Variants in GRIK2 observed in about 807,000 individuals in gnomAD.
The protein encoded by GRIK2 is glutamate receptor ionotropic, kainate 2.
GRIK2 carries 32 observed loss-of-function variants against 100.3 expected under a neutral mutation model. That is an observed-to-expected ratio of 0.32 (90% CI 0.24 to 0.43). The LOEUF (loss-of-function observed/expected upper bound fraction) is 0.43, where lower values mean the gene tolerates loss of function less well. Ranked by LOEUF, GRIK2 falls within the 20% of genes least tolerant of loss-of-function variation. The pLI, the probability that GRIK2 is intolerant of heterozygous loss-of-function variation, is 1.00. For synonymous variants in GRIK2, 417 were observed against 389.4 expected (o/e 1.07, Z -0.83); for missense variants, 843 against 1,114.9 (o/e 0.76, Z 3.47).
At chr6:101,988,150 CGCGCGT>C (rs1484592880) in intron 14 of GRIK2, among the ~76,000 whole-genome samples, 13 of 8,432 alleles carry the variant, frequency 1.5e-3, no homozygotes, top group South Asian at 5.6e-3. Context: ...CGCGCGCGCG[CGCGCGT>C]GCGCGCACAT....
chr6:102,042,581 A>AT (rs1177755017), intron 15 of GRIK2, among the ~76,000 whole-genome samples: 2 of 151,438 alleles, frequency 1.3e-5, no homozygotes, highest in Non-Finnish European at 3.0e-5. Flanking sequence ...AAAAAGATAT[A>AT]TTTTTTTCTT....
chr6:101,755,032 A>G (rs1225380805), intron 7 of GRIK2, among the ~76,000 whole-genome samples: 8 of 152,092 alleles, frequency 5.3e-5, no homozygotes, highest in Non-Finnish European at 1.2e-4. Context: ...ATTGTGGCCA[A>G]TGGCCGACAC....
intron 12 of GRIK2, among the ~76,000 whole-genome samples, chr6:101,914,552 AG>A (rs1431394471): frequency 6.6e-6 from 1 of 151,470 alleles, no homozygotes; most frequent in Non-Finnish European, 1.5e-5. Context: ...TCGACATTAT[AG>A]TCCTTGCAAT....
At chr6:101,435,530 C>T (rs773533896) in intron 2 of GRIK2, among the ~76,000 whole-genome samples, 18 of 152,004 alleles carry the variant, frequency 1.2e-4, no homozygotes, top group Non-Finnish European at 1.9e-4. Flanking sequence ...TTGTTTTTCT[C>T]CCAGTTTGTT....
chr6:101,612,131 C>A lies in GRIK2; in HGVS notation c.116-9818C>A, dbSNP rs1354239819. ...GTCTTAATCCAGCATCCATCACTTG[C>A]CAACTGTGTAACTGACCTTAGGAAG... On this transcript the variant is annotated intron_variant, in intron 2 of 16. Transcript: ENST00000369134. 9.9e-5 allele frequency among the ~76,000 whole-genome samples: 15 copies of A among 151,916 alleles called. No homozygotes were observed. In the East Asian group the frequency reaches 2.9e-3, roughly 30 times the overall value.
chr6:102,030,207 G>T (rs945011689), intron 14 of GRIK2, among the ~76,000 whole-genome samples: 2 of 151,120 alleles, frequency 1.3e-5, no homozygotes, highest in African/African-American at 4.8e-5. Context: ...ATGAAATGGG[G>T]AGATGTTAGC....
intron 7 of GRIK2, among the ~76,000 whole-genome samples, chr6:101,759,990 C>T (rs913318756): frequency 6.2e-5 from 8 of 128,782 alleles, no homozygotes; most frequent in African/African-American, 2.5e-4. Context: ...CTGCCTCAGC[C>T]TCCCGAGTAG....
rs759879493 is a variant in GRIK2 at position 101,626,589 on chromosome 6, C to T, written c.493C>T (p.Gln165Ter). The T allele has an allele frequency of 6.2e-7, 1 of 1,613,722 alleles. No homozygotes were observed. The highest frequency in any genetic ancestry group is 8.5e-7 in the Non-Finnish European group (1 of 1,179,718). Residue 165 changes from glutamine (Q) to a stop codon, truncating the protein, a stop_gained, in exon 4 of 17, where the codon CAG (glutamine) becomes TAG (stop). Transcript: ENST00000369134. LOFTEE classifies it high-confidence loss of function. ...SLSRAILDLVQFFKWKTVTVV... is the reference protein window; with the variant it reads ...SLSRAILDLV Reference sequence around the variant, plus strand: ...CAGCCGTGCCATTTTAGACCTGGTGCAGTTTTTCAAGTGGAAAACCGTCAC... The same window carrying T: ...CAGCCGTGCCATTTTAGACCTGGTGTAGTTTTTCAAGTGGAAAACCGTCAC...
At chr6:101,658,263 C>T (rs1769343858) in intron 4 of GRIK2, among the ~76,000 whole-genome samples, 1 of 152,088 alleles carries the variant, frequency 6.6e-6, no homozygotes, top group Non-Finnish European at 1.5e-5. Context: ...TCCATGTGTT[C>T]TTATTGTTCA....
At chr6:101,491,471 G>A (rs1333080946) in intron 2 of GRIK2, among the ~76,000 whole-genome samples, 1 of 151,864 alleles carries the variant, frequency 6.6e-6, no homozygotes, top group Non-Finnish European at 1.5e-5. Flanking sequence ...CTTTTTCAAT[G>A]TTTCTAATAT....
At chr6:101,614,144 A>G (rs539041922) in intron 2 of GRIK2, among the ~76,000 whole-genome samples, 14 of 151,808 alleles carry the variant, frequency 9.2e-5, no homozygotes, top group African/African-American at 3.4e-4. Flanking sequence ...TCCATCTTTT[A>G]CACTCAGGAT....
At chr6:101,478,432 T>C (rs1772359878) in intron 2 of GRIK2, among the ~76,000 whole-genome samples, 2 of 150,960 alleles carry the variant, frequency 1.3e-5, no homozygotes, top group East Asian at 3.9e-4. Context: ...GTTATAAATA[T>C]AACCAGATGT....
At chr6:101,896,631 G>A (rs1320422334) in intron 12 of GRIK2, among the ~76,000 whole-genome samples, 2 of 151,500 alleles carry the variant, frequency 1.3e-5, no homozygotes, top group Non-Finnish European at 3.0e-5. Context: ...CAAATTCTAT[G>A]GATAAATTAT....
intron 14 of GRIK2, among the ~76,000 whole-genome samples, chr6:101,982,030 T>C (rs1022784473): frequency 6.6e-6 from 1 of 151,862 alleles, no homozygotes; most frequent in Non-Finnish European, 1.5e-5. Context: ...GAATAATTAG[T>C]CCCTGCCAGG....
chr6:101,780,195 A>G (rs1244793549), intron 7 of GRIK2, among the ~76,000 whole-genome samples: 1 of 151,710 alleles, frequency 6.6e-6, no homozygotes, highest in African/African-American at 2.4e-5. Context: ...TCAGAGATGT[A>G]TTCTCCATGG....
intron 14 of GRIK2, among the ~76,000 whole-genome samples, chr6:102,030,391 AG>A (rs1172476257): frequency 1.3e-5 from 2 of 151,094 alleles, no homozygotes; most frequent in African/African-American, 4.8e-5. Context: ...GCTCATCTTC[AG>A]GGTTGTACTT....
intron 4 of GRIK2, among the ~76,000 whole-genome samples, chr6:101,647,673 A>C (rs1781594933): frequency 6.6e-6 from 1 of 152,024 alleles, no homozygotes; most frequent in Admixed American, 6.6e-5. Context: ...CATACGACTC[A>C]GTTATTTGTA....
intron 7 of GRIK2, among the ~76,000 whole-genome samples, chr6:101,794,300 G>C (rs758600815): frequency 6.6e-6 from 1 of 151,858 alleles, no homozygotes; most frequent in African/African-American, 2.4e-5. Context: ...CCTCTTCTGC[G>C]TCGCTCACGC....
intron 7 of GRIK2, among the ~76,000 whole-genome samples, chr6:101,710,576 A>C (rs1773627810): frequency 6.6e-6 from 1 of 151,898 alleles, no homozygotes; most frequent in South Asian, 2.1e-4. Flanking sequence ...AAAGATAAAA[A>C]CAAAACACTT....
Sources: gnomAD v4.1 joint callset for allele counts (sites outside exome capture counted in the v4.1 genomes callset) on GRCh38, gnomAD v4.1.1 for gene constraint, MANE v1.5 for transcripts, NCBI Gene and HGNC (gene_info 2026-07-23, HGNC 2026-07-21) for gene names.